The following NEBL variants were observed in gnomAD, a reference collection of about 807,000 sequenced individuals.
The protein encoded by NEBL is nebulette, also known as LIM and SH3 protein 2.
In NEBL, 122 loss-of-function variants were observed where a neutral mutation model predicts 140.2. The ratio of observed to expected loss-of-function variants is 0.87; its 90% CI spans 0.75 to 1.01. NEBL has a LOEUF of 1.01. Among genes scored for constraint, NEBL ranks in the 50% least tolerant of loss-of-function variants. The pLI is 0.00. For synonymous variants in NEBL, 436 were observed against 398.9 expected, an observed-to-expected ratio of 1.09 and a Z score of -1.11; for missense variants, 1,365 against 1,231.3, an observed-to-expected ratio of 1.11 and a Z score of -1.62.
intron 2 of NEBL, among the ~76,000 whole-genome samples, chr10:21,046,891 C>T (rs1303093599): frequency 3.3e-5 from 5 of 152,130 alleles, no homozygotes; most frequent in African/African-American, 7.2e-5. Context: ...CATGAGCCAC[C>T]GCGCCCGGCC....
intron 2 of NEBL, among the ~76,000 whole-genome samples, chr10:21,094,807 A>G (rs80245404): frequency 0.023 from 3,505 of 152,294 alleles, 135 homozygotes; most frequent in African/African-American, 0.076. Flanking sequence ...TAAGTCTCAC[A>G]TTGTAAAATT....
chr10:21,226,244 C>G (rs1842146414), intron 3 of NEBL, among the ~76,000 whole-genome samples: 3 of 151,794 alleles, frequency 2.0e-5, no homozygotes, highest in Admixed American at 2.0e-4. Flanking sequence ...TGTGGCTGAG[C>G]TGGTATCCAA....
chr10:20,796,741 T>C (rs1161169477), intron 26 of NEBL, among the ~76,000 whole-genome samples: 1 of 152,236 alleles, frequency 6.6e-6, no homozygotes, highest in African/African-American at 2.4e-5. Context: ...TTTCTCATTT[T>C]ATCTCTCTTA....
At chr10:20,827,232 C>T (rs943341188) in intron 17 of NEBL, among the ~76,000 whole-genome samples, 4 of 152,126 alleles carry the variant, frequency 2.6e-5, no homozygotes, top group African/African-American at 9.7e-5. Context: ...ATTTGGTAAT[C>T]CAGTGGCCCC....
intron 3 of NEBL, among the ~76,000 whole-genome samples, chr10:21,200,594 G>C (rs946423349): frequency 6.6e-6 from 1 of 152,142 alleles, no homozygotes; most frequent in Non-Finnish European, 1.5e-5. Flanking sequence ...GATTATAGGC[G>C]TGAGCCACCG....
At chr10:21,013,817 G>T (rs1043751813) in intron 3 of NEBL, among the ~76,000 whole-genome samples, 11 of 152,204 alleles carry the variant, frequency 7.2e-5, no homozygotes, top group African/African-American at 2.4e-4. Context: ...GGCGGAGATT[G>T]CAGTGAACTG....
intron 1 of NEBL, among the ~76,000 whole-genome samples, chr10:21,288,818 G>GTATATATATATATATA (rs757155594): frequency 0.061 from 1,939 of 31,764 alleles, 98 homozygotes; most frequent in Non-Finnish European, 0.077. Flanking sequence ...ACGTGTGTGT[G>GTATATATATATATATA]TGTATATATA....
chr10:20,923,693 A>AAAAAAAAAG (rs1564445183), intron 4 of NEBL, among the ~76,000 whole-genome samples: 1 of 148,122 alleles, frequency 6.8e-6, no homozygotes, highest in East Asian at 2.0e-4. Context: ...AAAAAAAAAA[A>AAAAAAAAAG]AAAGAAATGG....
chr10:21,165,810 G>C (rs1006340568), intron 2 of NEBL, among the ~76,000 whole-genome samples: 5 of 152,084 alleles, frequency 3.3e-5, no homozygotes, highest in African/African-American at 1.2e-4. Flanking sequence ...CGGGTGTGAT[G>C]GGCACAAACA....
chr10:21,259,156 C>T (rs895996883), intron 1 of NEBL, among the ~76,000 whole-genome samples: 5 of 151,556 alleles, frequency 3.3e-5, no homozygotes, highest in Non-Finnish European at 5.9e-5. Flanking sequence ...GGCAGAATCT[C>T]AGCTTACTGC....
intron 9 of NEBL, among the ~76,000 whole-genome samples, chr10:20,855,157 G>A (rs1842932574): frequency 6.6e-6 from 1 of 151,524 alleles, no homozygotes; most frequent in Non-Finnish European, 1.5e-5. Context: ...TTGAACCTGG[G>A]AGCGGAGGTT....
chr10:20,791,768 TA>T (rs1329857326), intron 26 of NEBL, among the ~76,000 whole-genome samples: 2 of 151,518 alleles, frequency 1.3e-5, no homozygotes, highest in Non-Finnish European at 2.9e-5. Flanking sequence ...AAGATTAGAG[TA>T]AATGAAAGGA....
chr10:20,978,441 A>T (rs929546088), intron 3 of NEBL, among the ~76,000 whole-genome samples: 4 of 146,296 alleles, frequency 2.7e-5, no homozygotes, highest in Non-Finnish European at 4.4e-5. Context: ...AAAAAAAAAA[A>T]CGAGTTATTT....
intron 26 of NEBL, among the ~76,000 whole-genome samples, chr10:20,796,883 T>C (rs529521855): frequency 1.4e-4 from 22 of 152,298 alleles, no homozygotes; most frequent in African/African-American, 4.8e-4. Context: ...ACAAAATCCA[T>C]ATGGTATATG....
chr10:21,263,857 C>A (rs1176751614), intron 1 of NEBL, among the ~76,000 whole-genome samples: 1 of 152,076 alleles, frequency 6.6e-6, no homozygotes, highest in East Asian at 1.9e-4. Context: ...CCCAGATACT[C>A]GGGAGGTTGA....
At chr10:21,252,722 A>G (rs980302885) in intron 1 of NEBL, among the ~76,000 whole-genome samples, 2 of 152,172 alleles carry the variant, frequency 1.3e-5, no homozygotes, top group East Asian at 3.9e-4. Flanking sequence ...TCGGGAGGCC[A>G]AGGCGGGCAG....
intron 4 of NEBL, among the ~76,000 whole-genome samples, chr10:20,921,542 C>T (rs1050521966): frequency 2.6e-5 from 4 of 152,224 alleles, no homozygotes; most frequent in Non-Finnish European, 4.4e-5. Context: ...CTGGCAGCAT[C>T]CCCTCCCACA....
intron 18 of NEBL, among the ~76,000 whole-genome samples, chr10:20,826,217 T>C (rs1477247302): frequency 6.6e-6 from 1 of 152,190 alleles, no homozygotes; most frequent in Non-Finnish European, 1.5e-5. Flanking sequence ...TAAAATGACC[T>C]AGCTCTTCTT....
intron 2 of NEBL, among the ~76,000 whole-genome samples, chr10:21,072,833 A>C (rs780515041): frequency 6.6e-6 from 1 of 152,210 alleles, no homozygotes; most frequent in Non-Finnish European, 1.5e-5. Context: ...TCTACTAAAA[A>C]TACAAAAGTT....
Sources: allele counts gnomAD v4.1 joint callset (sites outside exome capture counted in the v4.1 genomes callset), GRCh38; gene constraint gnomAD v4.1.1; transcripts MANE v1.5; gene names NCBI Gene and HGNC (gene_info 2026-07-23, HGNC 2026-07-21).